The following DAPK1 variants were observed in gnomAD, a reference collection of about 807,000 sequenced individuals.
The protein encoded by DAPK1 is death associated protein kinase 1.
DAPK1 carries 56 observed loss-of-function variants against 144.9 expected under a neutral mutation model. That is an observed-to-expected ratio of 0.39 (90% CI 0.31 to 0.48). The LOEUF is 0.48. Ranked by LOEUF, DAPK1 falls within the 20% of genes least tolerant of loss-of-function variation. The probability of loss-of-function intolerance (pLI) is 0.95; values close to 1 mark genes in which losing one functional copy is unlikely to be tolerated. For synonymous variants in DAPK1, 690 were observed against 749.0 expected (o/e 0.92, Z 1.29); for missense variants, 1,454 against 1,875.4 (o/e 0.78, Z 4.15).
intron 2 of DAPK1, among the ~76,000 whole-genome samples, chr9:87,499,602 G>T (rs113602466): frequency 1.5e-3 from 234 of 152,318 alleles, no homozygotes; most frequent in African/African-American, 4.3e-3. Context: ...GGTGGTAAAT[G>T]GAGACTTGCC....
At chr9:87,628,990 G>T (rs1032861457) in intron 3 of DAPK1, among the ~76,000 whole-genome samples, 2 of 152,136 alleles carry the variant, frequency 1.3e-5, no homozygotes, top group African/African-American at 4.8e-5. Flanking sequence ...CTTGCAGCTT[G>T]CAAGGAGTTA....
chr9:87,646,873 A>G (rs1830284960), intron 13 of DAPK1, among the ~76,000 whole-genome samples: 1 of 151,286 alleles, frequency 6.6e-6, no homozygotes, highest in Non-Finnish European at 1.5e-5. Flanking sequence ...TTTGTTATCT[A>G]ATTATTCTCA....
chr9:87,683,088 T>TTTTTTA (rs1554704276), intron 20 of DAPK1, among the ~76,000 whole-genome samples: 1 of 147,320 alleles, frequency 6.8e-6, no homozygotes, highest in African/African-American at 2.5e-5. Context: ...TTTATTTATT[T>TTTTTTA]TTTTTTTTTT....
intron 18 of DAPK1, among the ~76,000 whole-genome samples, chr9:87,659,977 A>T (rs1360011640): frequency 6.6e-6 from 1 of 152,036 alleles, no homozygotes; most frequent in East Asian, 1.9e-4. Context: ...ACTGAATGGG[A>T]CCGCGTGGTG....
chr9:87,556,383 T>TGTGTATGCCTGTCCCAC (rs1159984687), intron 2 of DAPK1, among the ~76,000 whole-genome samples: 1 of 152,218 alleles, frequency 6.6e-6, no homozygotes, highest in East Asian at 1.9e-4. Context: ...GGTGCCCACG[T>TGTGTATGCCTGTCCCAC]GTGTGTACCT....
chr9:87,512,340 C>A lies in DAPK1; in HGVS notation c.62+13201C>A, dbSNP rs568950826. Among the ~76,000 whole-genome samples the A allele has an allele frequency of 2.2e-4, 34 of 152,158 alleles. No homozygotes were observed. In the South Asian group the frequency reaches 6.8e-3, roughly 31 times the overall value. On this transcript the variant is annotated intron_variant, in intron 2 of 25. Coordinates refer to ENST00000408954, the MANE Select transcript of DAPK1 (RefSeq NM_004938.4). Reference sequence around the variant, plus strand: ...AAGGAGTCTGAGATGAGTGTGGACACCTGAGTCCCTGACCAAGAGAAGCCT... The same window carrying A: ...AAGGAGTCTGAGATGAGTGTGGACAACTGAGTCCCTGACCAAGAGAAGCCT...
intron 19 of DAPK1, among the ~76,000 whole-genome samples, chr9:87,680,481 T>A (rs1209218880): frequency 6.6e-6 from 1 of 152,228 alleles, no homozygotes; most frequent in Non-Finnish European, 1.5e-5. Context: ...TTTTTAATAC[T>A]CACATACAGG....
At chr9:87,528,457 A>T (rs892160067) in intron 2 of DAPK1, among the ~76,000 whole-genome samples, 1 of 151,982 alleles carries the variant, frequency 6.6e-6, no homozygotes, top group African/African-American at 2.4e-5. Context: ...ACCTCAGGTG[A>T]TCCACCCGCC....
intron 3 of DAPK1, among the ~76,000 whole-genome samples, chr9:87,630,709 C>T (rs1829652465): frequency 6.6e-6 from 1 of 152,146 alleles, no homozygotes; most frequent in Non-Finnish European, 1.5e-5. Context: ...ATGGTGGGAA[C>T]ACAACCGAGG....
chr9:87,552,602 T>G (rs1826536364), intron 2 of DAPK1, among the ~76,000 whole-genome samples: 1 of 152,038 alleles, frequency 6.6e-6, no homozygotes, highest in African/African-American at 2.4e-5. Context: ...TGTACCTCTT[T>G]TTTTTTGGAG....
chr9:87,701,477 CAAATT>C (rs1825450028), intron 24 of DAPK1, among the ~76,000 whole-genome samples: 1 of 152,040 alleles, frequency 6.6e-6, no homozygotes, highest in African/African-American at 2.4e-5. Context: ...TTCTAGCAAA[CAAATT>C]AAGTAAACAA....
intron 2 of DAPK1, among the ~76,000 whole-genome samples, chr9:87,543,300 A>G (rs527870389): frequency 7.2e-5 from 11 of 152,308 alleles, no homozygotes; most frequent in African/African-American, 2.4e-4. Context: ...ACAAAAACAA[A>G]ATTATAATAG....
Position 87,497,882 on chromosome 9 carries a change from G to A in DAPK1, c.-334G>A, listed in dbSNP as rs1018986998. The A allele has an allele frequency of 2.5e-6, 1 of 394,026 alleles. No individual in the cohort carries two copies. The highest frequency in any genetic ancestry group is 4.4e-5 in the Admixed American group (1 of 22,588). The allele number at this position is 394,026 out of a possible 1,614,324, so 24.4% of individuals were successfully genotyped here. On this transcript the variant is annotated 5_prime_UTR_variant, in exon 1 of 26. Coordinates refer to ENST00000408954, the MANE Select transcript of DAPK1 (RefSeq NM_004938.4). ...CCGAGAGGCTGCTTCGGAGTGTGAGGAGGACAGCCGGACCGAGCCAACGCC... is the reference window on the plus strand; with the variant it reads ...CCGAGAGGCTGCTTCGGAGTGTGAGAAGGACAGCCGGACCGAGCCAACGCC...
At chr9:87,692,570 A>T (rs1448076472) in intron 21 of DAPK1, among the ~76,000 whole-genome samples, 1 of 151,762 alleles carries the variant, frequency 6.6e-6, no homozygotes. Flanking sequence ...CTTCATTATC[A>T]TTGTGGTTTG....
intron 3 of DAPK1, among the ~76,000 whole-genome samples, chr9:87,629,842 T>C (rs1829608704): frequency 6.6e-6 from 1 of 152,200 alleles, no homozygotes; most frequent in Admixed American, 6.5e-5. Context: ...AAATCCCCCT[T>C]CCCTTGGATC....
chr9:87,640,514 G>A, intron 8 of DAPK1, 64 bp downstream of exon 8: 1 of 1,550,902 alleles, frequency 6.4e-7, no homozygotes. Context: ...GCCTGTGTCT[G>A]TTCCATGCAC....
At chr9:87,499,384 G>A (rs1824313764) in intron 2 of DAPK1, 1 of 474,862 alleles carries the variant, frequency 2.1e-6, no homozygotes, top group Admixed American at 3.2e-5. Context: ...CAGTCCCCTG[G>A]ACAAAATCAG....
At chr9:87,622,069 A>G (rs73654466) in intron 3 of DAPK1, among the ~76,000 whole-genome samples, 1 of 128,892 alleles carries the variant, frequency 7.8e-6, no homozygotes, top group Non-Finnish European at 1.6e-5. Context: ...TTTTTTTTTT[A>G]TTTCTCTGAG....
chr9:87,501,817 A>C (rs1184445995), intron 2 of DAPK1, among the ~76,000 whole-genome samples: 1 of 152,238 alleles, frequency 6.6e-6, no homozygotes, highest in African/African-American at 2.4e-5. Context: ...CAACTATTGC[A>C]GCAGTCCATC....
Sources: allele counts gnomAD v4.1 joint callset (sites outside exome capture counted in the v4.1 genomes callset), GRCh38; gene constraint gnomAD v4.1.1; transcripts MANE v1.5; gene names NCBI Gene and HGNC (gene_info 2026-07-23, HGNC 2026-07-21).